The following TLN2 variants were observed in gnomAD, a reference collection of about 807,000 sequenced individuals.
The protein encoded by TLN2 is talin-2.
Under a neutral mutation model 294.7 loss-of-function variants are expected in TLN2, and 118 were observed. That is an observed-to-expected ratio of 0.40 (90% confidence interval 0.34 to 0.47). The LOEUF is 0.47. Among genes scored for constraint, TLN2 ranks in the 20% least tolerant of loss-of-function variants. The pLI is 0.84. For synonymous variants in TLN2, 1,431 were observed against 1,304.5 expected (o/e 1.10, Z -2.09); for missense variants, 3,083 against 3,282.2 (o/e 0.94, Z 1.48).
intron 44 of TLN2, among the ~76,000 whole-genome samples, chr15:62,782,729 G>A (rs1466138055): frequency 1.3e-5 from 2 of 152,246 alleles, no homozygotes; most frequent in African/African-American, 2.4e-5. Flanking sequence ...TCAGCCTGAA[G>A]CCTGGGACGT....
intron 57 of TLN2, 163 bp downstream of exon 57, chr15:62,836,236 C>A: frequency 1.0e-6 from 1 of 969,978 alleles, no homozygotes; most frequent in Non-Finnish European, 1.5e-6. Flanking sequence ...GCATCCTCCA[C>A]TGCTGCCCCA....
At chr15:62,457,361 A>C (rs1030038406) in intron 1 of TLN2, among the ~76,000 whole-genome samples, 1 of 152,200 alleles carries the variant, frequency 6.6e-6, no homozygotes. Flanking sequence ...GACCTCATCT[A>C]AACCTAATTA....
chr15:62,596,752 AAAAT>A (rs1243466599), intron 2 of TLN2, among the ~76,000 whole-genome samples: 31 of 147,540 alleles, frequency 2.1e-4, no homozygotes, highest in African/African-American at 7.4e-4. Flanking sequence ...AAAAAAAAAA[AAAAT>A]AATAATAACT....
At chr15:62,530,318 T>G (rs1321869329) in intron 1 of TLN2, among the ~76,000 whole-genome samples, 1 of 149,818 alleles carries the variant, frequency 6.7e-6, no homozygotes, top group Non-Finnish European at 1.5e-5. Flanking sequence ...ATAAATGTAT[T>G]TGTTTGTTTG....
intron 18 of TLN2, 48 bp from the exon 19 acceptor site, chr15:62,702,718 G>T: frequency 6.4e-7 from 1 of 1,568,350 alleles, no homozygotes; most frequent in South Asian, 1.1e-5. Context: ...TGATGGCACT[G>T]GAGGAAATGC....
intron 26 of TLN2, among the ~76,000 whole-genome samples, chr15:62,724,441 G>A (rs934991256): frequency 2.0e-5 from 3 of 152,184 alleles, no homozygotes; most frequent in Non-Finnish European, 2.9e-5. Flanking sequence ...AGTGTTATAC[G>A]TGACCAAGAG....
chr15:62,564,925 AAT>A (rs1555430771), intron 1 of TLN2, among the ~76,000 whole-genome samples: 12 of 80,630 alleles, frequency 1.5e-4, no homozygotes, highest in East Asian at 1.4e-3. Flanking sequence ...AAAAAAAAAA[AAT>A]ATATATATAT....
At chr15:62,762,513 A>G (rs974625277) in intron 39 of TLN2, 60 bp downstream of exon 39, 2 of 1,572,296 alleles carry the variant, frequency 1.3e-6, no homozygotes, top group East Asian at 2.2e-5. Context: ...GGAGGAGGAT[A>G]AGCCCACCAG....
chr15:62,633,220 T>C (rs143788282), intron 3 of TLN2, among the ~76,000 whole-genome samples: 391 of 152,310 alleles, frequency 2.6e-3, no homozygotes, highest in Admixed American at 4.0e-3. Context: ...CTTGCTAGCT[T>C]TGTGACCTTG....
At chr15:62,547,371 A>T (rs531517249) in intron 1 of TLN2, among the ~76,000 whole-genome samples, 1 of 152,176 alleles carries the variant, frequency 6.6e-6, no homozygotes, top group Non-Finnish European at 1.5e-5. Flanking sequence ...TGTGGCTCGT[A>T]TGTGAACACA....
chr15:62,564,919 A>ATATATATATATATATATAT (rs1252446922), intron 1 of TLN2, among the ~76,000 whole-genome samples: 1 of 112,236 alleles, frequency 8.9e-6, no homozygotes, highest in African/African-American at 3.6e-5. Flanking sequence ...AAAAAAAAAA[A>ATATATATATATATATATAT]AAAAAAATAT....
At chr15:62,452,195 G>A (rs1002705921) in intron 1 of TLN2, among the ~76,000 whole-genome samples, 1 of 152,140 alleles carries the variant, frequency 6.6e-6, no homozygotes, top group African/African-American at 2.4e-5. Context: ...AGGGAGCCCT[G>A]AGGCCTAGAC....
Position 62,763,633 on chromosome 15 carries a change from G to A in TLN2, c.5032G>A (p.Glu1678Lys), listed in dbSNP as rs1458131072. The A allele has an allele frequency of 3.1e-6, 5 of 1,613,396 alleles. No homozygotes were observed. Among genetic ancestry groups the A allele is most frequent in the Non-Finnish European group, 4.2e-6 (5 of 1,179,882 alleles). ...CATCAACCGGTGCATCCGGGACATCGAGCAGGCCTCGCTGGCCGCCGTCAG... is the reference window on the plus strand; with the variant it reads ...CATCAACCGGTGCATCCGGGACATCAAGCAGGCCTCGCTGGCCGCCGTCAG... ...DGINRCIRDI[E>K]QASLAAVSQS... is the part of the protein sequence containing the mutation. The change falls in exon 40 of 59, where the codon GAG (glutamate) becomes AAG (lysine). Residue 1678 changes from glutamate (E) to lysine (K), a missense_variant. Glu to Lys is a moderately conservative substitution (Grantham distance 56). Coordinates refer to ENST00000636159, the MANE Select transcript of TLN2 (RefSeq NM_015059.3).
At chr15:62,647,248 C>A in intron 3 of TLN2, 27 bp from the exon 4 acceptor site, 3 of 1,552,288 alleles carry the variant, frequency 1.9e-6, no homozygotes, top group Admixed American at 1.9e-5. Context: ...TCGTGAACAT[C>A]AGGGTTTGTC....
At position 62,582,219 on chromosome 15, in the gene TLN2, C is replaced by CACACACACACAT. The variant is rs775417532; in HGVS notation, c.-237-7457_-237-7456insTACACACACACA. Among the ~76,000 whole-genome samples the CACACACACACAT allele has an allele frequency of 6.6e-3, 899 of 135,346 alleles. 15 individuals are homozygous for CACACACACACAT. The highest frequency in any genetic ancestry group is 0.01 in the South Asian group (37 of 3,690). 88.8% of individuals were successfully genotyped at this position (135,346 alleles called of 152,430 possible). A position where few individuals can be genotyped will look rare whatever the true frequency, so the allele number is the denominator to read the frequency against. On this transcript the variant is annotated intron_variant, in intron 1 of 58. Transcript: ENST00000636159. ...ATACACACACACACACACACACACA[C>CACACACACACAT]ACACACACACACACACACACACACA... is the stretch of plus-strand genomic sequence containing the variant.
At chr15:62,737,593 A>G (rs1394869962) in intron 29 of TLN2, among the ~76,000 whole-genome samples, 1 of 152,036 alleles carries the variant, frequency 6.6e-6, no homozygotes, top group African/African-American at 2.4e-5. Flanking sequence ...AGGGAATGAC[A>G]CTCCCCACCT....
chr15:62,776,928 G>A lies in TLN2; in HGVS notation c.5514+18G>A. On this transcript the variant is annotated intron_variant, in intron 43 of 58. Transcript: ENST00000636159. ...TGAGCAAGGTGGGCATGGGCTCTAG[G>A]GCTCTCTACTCCCTTATCTCCCTCA... is the stretch of plus-strand genomic sequence containing the variant. The A allele has an allele frequency of 6.6e-7, 1 of 1,504,306 alleles. No homozygotes were observed. Among genetic ancestry groups the A allele is most frequent in the Non-Finnish European group, 8.9e-7 (1 of 1,120,100 alleles). The allele number at this position is 1,504,306 out of a possible 1,614,324, so 93.2% of individuals were successfully genotyped here. A position where few individuals can be genotyped will look rare whatever the true frequency, so the allele number is the denominator to read the frequency against.
chr15:62,400,813 T>G (rs1015400471), intron 1 of TLN2, among the ~76,000 whole-genome samples: 4 of 75,714 alleles, frequency 5.3e-5, no homozygotes, highest in Non-Finnish European at 8.6e-5. Context: ...ATGTTTCCGG[T>G]TTTTTTTTTT....
intron 1 of TLN2, among the ~76,000 whole-genome samples, chr15:62,473,801 G>A (rs1274631372): frequency 2.0e-5 from 3 of 152,210 alleles, no homozygotes; most frequent in Admixed American, 1.3e-4. Context: ...ATTTACAAAG[G>A]AGTTGTACAG....
Sources: allele counts gnomAD v4.1 joint callset (sites outside exome capture counted in the v4.1 genomes callset), GRCh38; gene constraint gnomAD v4.1.1; transcripts MANE v1.5; gene names NCBI Gene and HGNC (gene_info 2026-07-23, HGNC 2026-07-21).